The following CNTN5 variants were observed in gnomAD, a reference collection of about 807,000 sequenced individuals.
The protein encoded by CNTN5 is contactin-5.
In CNTN5, 77 loss-of-function variants were observed where a neutral mutation model predicts 129.1. The ratio of observed to expected loss-of-function variants is 0.60; its 90% CI spans 0.50 to 0.72. The LOEUF (loss-of-function observed/expected upper bound fraction) is 0.72. CNTN5 is among the 30% of genes least tolerant of loss of function. The probability of loss-of-function intolerance (pLI) is 0.00; values close to 1 mark genes in which losing one functional copy is unlikely to be tolerated. For synonymous variants in CNTN5, 509 were observed against 465.6 expected (o/e 1.09, Z -1.20); for missense variants, 1,478 against 1,328.8 (o/e 1.11, Z -1.75).
chr11:99,587,807 C>A (rs1170796277), intron 3 of CNTN5, among the ~76,000 whole-genome samples: 1 of 152,114 alleles, frequency 6.6e-6, no homozygotes, highest in African/African-American at 2.4e-5. Flanking sequence ...GAAGGATTAT[C>A]TAGGTTTTCA....
At chr11:99,980,661 A>G (rs1591518779) in intron 8 of CNTN5, among the ~76,000 whole-genome samples, 1 of 152,180 alleles carries the variant, frequency 6.6e-6, no homozygotes, top group Non-Finnish European at 1.5e-5. Flanking sequence ...GCTGCCTTTT[A>G]ATATGAATAT....
chr11:100,139,278 T>C (rs1946618646), intron 13 of CNTN5, among the ~76,000 whole-genome samples: 2 of 152,042 alleles, frequency 1.3e-5, no homozygotes, highest in Non-Finnish European at 2.9e-5. Context: ...TGAAAGAAAT[T>C]GTAGAAGTAC....
At chr11:99,161,429 C>A (rs1860606014) in intron 1 of CNTN5, among the ~76,000 whole-genome samples, 1 of 151,842 alleles carries the variant, frequency 6.6e-6, no homozygotes, top group African/African-American at 2.4e-5. Context: ...TGACACAGTT[C>A]TGGCCAAGGA....
At chr11:99,960,642 G>T (rs1950918402) in intron 8 of CNTN5, among the ~76,000 whole-genome samples, 1 of 152,084 alleles carries the variant, frequency 6.6e-6, no homozygotes, top group African/African-American at 2.4e-5. Flanking sequence ...GTATAGTTTG[G>T]ATGTAGTGTT....
chr11:100,186,410 AG>A (rs1385199141), intron 13 of CNTN5, among the ~76,000 whole-genome samples: 1 of 152,060 alleles, frequency 6.6e-6, no homozygotes, highest in Non-Finnish European at 1.5e-5. Context: ...TAACAAATAT[AG>A]GGTCCAGAAA....
At chr11:99,023,775 G>C (rs562272202) in intron 1 of CNTN5, among the ~76,000 whole-genome samples, 1 of 152,024 alleles carries the variant, frequency 6.6e-6, no homozygotes, top group South Asian at 2.1e-4. Context: ...TTAAAATACG[G>C]GTTTTTAAAT....
intron 1 of CNTN5, among the ~76,000 whole-genome samples, chr11:99,232,312 C>T (rs1374735519): frequency 6.6e-6 from 1 of 152,032 alleles, no homozygotes; most frequent in Non-Finnish European, 1.5e-5. Flanking sequence ...TGTTTCTTTC[C>T]TCTCTTATTT....
intron 3 of CNTN5, among the ~76,000 whole-genome samples, chr11:99,617,197 A>G (rs1445114162): frequency 6.6e-6 from 1 of 152,226 alleles, no homozygotes; most frequent in African/African-American, 2.4e-5. Flanking sequence ...AGGACCTTTT[A>G]AGATATGCTA....
At chr11:99,960,173 T>A (rs568257403) in intron 8 of CNTN5, among the ~76,000 whole-genome samples, 1 of 152,322 alleles carries the variant, frequency 6.6e-6, no homozygotes, top group Non-Finnish European at 1.5e-5. Context: ...TAAGTGTGCA[T>A]AAGTTTCTTC....
intron 21 of CNTN5, among the ~76,000 whole-genome samples, chr11:100,319,153 C>CTTT (rs1291858718): frequency 2.2e-5 from 3 of 137,394 alleles, no homozygotes; most frequent in South Asian, 2.3e-4. Context: ...TTTTTCTTTT[C>CTTT]TTTTTTTTTT....
chr11:99,569,688 G>A (rs899885419), intron 3 of CNTN5, among the ~76,000 whole-genome samples: 5 of 152,098 alleles, frequency 3.3e-5, no homozygotes, highest in African/African-American at 1.2e-4. Flanking sequence ...TAGTATGGAG[G>A]CATGATGGGA....
At chr11:99,714,847 C>T (rs1226426174) in intron 3 of CNTN5, among the ~76,000 whole-genome samples, 2 of 22,840 alleles carry the variant, frequency 8.8e-5, no homozygotes, top group East Asian at 1.6e-3. Flanking sequence ...AACTTCAGCT[C>T]ATGTGGAAAA....
At chr11:100,006,510 C>T (rs1940200512) in intron 9 of CNTN5, among the ~76,000 whole-genome samples, 1 of 152,128 alleles carries the variant, frequency 6.6e-6, no homozygotes, top group Non-Finnish European at 1.5e-5. Flanking sequence ...CAGGACTACA[C>T]TAACTCAAGA....
chr11:99,408,448 G>A lies in CNTN5; in HGVS notation c.-71+82964G>A, dbSNP rs10893286. Among the ~76,000 whole-genome samples the A allele has an allele frequency of 3.0e-3, 236 of 78,124 alleles. 3 individuals are homozygous for A. The highest frequency in any genetic ancestry group is 0.011 in the South Asian group (20 of 1,870). 51.3% of individuals were successfully genotyped at this position (78,124 alleles called of 152,430 possible). On this transcript the variant is annotated intron_variant, in intron 2 of 24. Coordinates refer to ENST00000524871, the MANE Select transcript of CNTN5 (RefSeq NM_014361.4). Reference sequence around the variant, plus strand: ...AAAGAAAAAGAAAGAAAGAAAGAAAGAGAAAGAAAGAAAGAAAGAAAGAAA... The same window carrying A: ...AAAGAAAAAGAAAGAAAGAAAGAAAAAGAAAGAAAGAAAGAAAGAAAGAAA...
At chr11:99,448,094 T>G (rs975062099) in intron 2 of CNTN5, among the ~76,000 whole-genome samples, 1 of 152,120 alleles carries the variant, frequency 6.6e-6, no homozygotes, top group African/African-American at 2.4e-5. Flanking sequence ...GTTAACATTA[T>G]ATATATCTAT....
chr11:100,321,791 T>C (rs924756548), intron 21 of CNTN5, among the ~76,000 whole-genome samples: 3 of 152,234 alleles, frequency 2.0e-5, no homozygotes, highest in Admixed American at 6.5e-5. Context: ...CTTTTTTGCA[T>C]TTACTGAAAT....
intron 2 of CNTN5, among the ~76,000 whole-genome samples, chr11:99,541,989 A>C (rs1948131926): frequency 6.6e-6 from 1 of 151,040 alleles, no homozygotes; most frequent in South Asian, 2.1e-4. Context: ...AGAAAAGAAA[A>C]GAAAGAAATG....
rs576906933 is a variant in CNTN5 at position 100,095,604 on chromosome 11, G to A, written c.1580+21310G>A. 3.3e-5 allele frequency among the ~76,000 whole-genome samples: 5 copies of A among 152,152 alleles called. No homozygotes were observed. The East Asian group carries it at 9.7e-4, about 30-fold the overall frequency. On this transcript the variant is annotated intron_variant, in intron 13 of 24. Coordinates refer to ENST00000524871, the MANE Select transcript of CNTN5 (RefSeq NM_014361.4). ...GTAAAAAATTGATTTTAGGTAAAAG[G>A]CTCTATTTGAATATCCTAGAGCAAG...
intron 2 of CNTN5, among the ~76,000 whole-genome samples, chr11:99,499,464 T>G (rs7942322): frequency 0.22 from 32,927 of 152,136 alleles, 3,787 homozygotes; most frequent in Non-Finnish European, 0.25. Context: ...TTCCATAGGA[T>G]GCAGCCCTCA....
Sources: allele counts gnomAD v4.1 joint callset (sites outside exome capture counted in the v4.1 genomes callset), GRCh38; gene constraint gnomAD v4.1.1; transcripts MANE v1.5; gene names NCBI Gene and HGNC (gene_info 2026-07-23, HGNC 2026-07-21).